PGS1: variants seen among roughly 807,000 people sequenced by gnomAD.
The protein encoded by PGS1 is phosphatidylglycerophosphate synthase 1.
PGS1 carries 44 observed loss-of-function variants against 58.3 expected under a neutral mutation model. The observed-to-expected ratio is 0.75, with a 90% CI of 0.59 to 0.97. The LOEUF (loss-of-function observed/expected upper bound fraction) is 0.97. Among genes scored for constraint, PGS1 ranks in the 50% least tolerant of loss-of-function variants. PGS1 has a pLI of 0.00. For synonymous variants in PGS1, 330 were observed against 311.0 expected, an observed-to-expected ratio of 1.06 and a Z score of -0.64; for missense variants, 684 against 731.1, an observed-to-expected ratio of 0.94 and a Z score of 0.74.
chr17:78,406,531 AGGT>A (rs2084160759), intron 7 of PGS1, among the ~76,000 whole-genome samples: 1 of 152,240 alleles, frequency 6.6e-6, no homozygotes, highest in Non-Finnish European at 1.5e-5. Flanking sequence ...CTGTCTAGGC[AGGT>A]GGCATTGTTT....
chr17:78,423,681 A>C (rs761221802), intron 9 of PGS1: 9 of 557,220 alleles, frequency 1.6e-5, no homozygotes, highest in Non-Finnish European at 2.8e-5. Flanking sequence ...TCAGGCACAG[A>C]ATGGATGGGC....
At chr17:78,391,967 T>A (rs1374030284) in intron 1 of PGS1, among the ~76,000 whole-genome samples, 1 of 152,202 alleles carries the variant, frequency 6.6e-6, no homozygotes, top group African/African-American at 2.4e-5. Context: ...TCTGGGTGCT[T>A]CCTTGAATAG....
At chr17:78,386,533 G>T (rs1193198102) in intron 1 of PGS1, among the ~76,000 whole-genome samples, 4 of 152,208 alleles carry the variant, frequency 2.6e-5, no homozygotes, top group African/African-American at 9.7e-5. Flanking sequence ...CCCAGGTCTT[G>T]ATGTGGAAAT....
At chr17:78,399,325 C>T in intron 4 of PGS1, 23 bp from the exon 5 acceptor site, 4 of 1,598,244 alleles carry the variant, frequency 2.5e-6, no homozygotes, top group Non-Finnish European at 3.4e-6. Flanking sequence ...GAGTCAGGTG[C>T]CGTTTTCTCT....
chr17:78,399,584 C>T, intron 5 of PGS1, 47 bp downstream of exon 5: 2 of 1,580,596 alleles, frequency 1.3e-6, no homozygotes, highest in South Asian at 1.1e-5. Flanking sequence ...GCTCTGCAGG[C>T]TGGAGGGCAG....
chr17:78,411,281 A>T (rs1394925984), intron 7 of PGS1, among the ~76,000 whole-genome samples: 17 of 152,188 alleles, frequency 1.1e-4, no homozygotes, highest in Admixed American at 1.1e-3. Context: ...AAGGGCCCAG[A>T]AGCCATGGCA....
At chr17:78,380,623 A>C (rs2081972224) in intron 1 of PGS1, among the ~76,000 whole-genome samples, 1 of 152,206 alleles carries the variant, frequency 6.6e-6, no homozygotes. Flanking sequence ...ACGTCCTGGC[A>C]TCAAACCACT....
intron 7 of PGS1, among the ~76,000 whole-genome samples, chr17:78,409,894 T>C (rs1044629369): frequency 6.6e-6 from 1 of 152,232 alleles, no homozygotes; most frequent in African/African-American, 2.4e-5. Context: ...GCGGATCACC[T>C]GAGGCCAGAA....
In PGS1 at chr17:78,399,379, A is replaced by T. The variant is rs374638849; in HGVS notation, c.543A>T (p.Pro181=). 24 of 1,613,670 alleles carry T rather than the reference A, an allele frequency of 1.5e-5. No individual in the cohort carries two copies. In the African/African-American group the frequency reaches 2.9e-4, roughly 20 times the overall value. The change falls in exon 5 of 10, where the codon CCA becomes CCT. Residue 181 remains proline (P), a synonymous_variant. Transcript: ENST00000262764. ...GRKNSRTMLL[P]LLRRFPEQVR... is the part of the protein sequence containing the mutation. ...AGAACTCCCGCACAATGCTGCTCCC[A>T]CTCCTGCGGAGGTTCCCAGAGCAGG...
chr17:78,422,157 GT>G (rs1447612004), intron 9 of PGS1, among the ~76,000 whole-genome samples: 2 of 152,152 alleles, frequency 1.3e-5, no homozygotes, highest in Admixed American at 1.3e-4. Flanking sequence ...GAGTTGCCCG[GT>G]GGCCCCTGGT....
chr17:78,388,192 A>G (rs1395428760), intron 1 of PGS1, among the ~76,000 whole-genome samples: 1 of 152,216 alleles, frequency 6.6e-6, no homozygotes, highest in Non-Finnish European at 1.5e-5. Flanking sequence ...GAACATTCCC[A>G]GTGAGAGCTG....
At chr17:78,420,161 ACCGTGGGCTGCTG>A in intron 9 of PGS1, 1 of 1,001,750 alleles carries the variant, frequency 1.0e-6, no homozygotes, top group Non-Finnish European at 1.2e-6. Context: ...GTAGAGCCAG[ACCGTGGGCTGCTG>A]CCTGGACGCC....
Position 78,400,356 on chromosome 17 carries a change from G to A in PGS1, c.702-321G>A, listed in dbSNP as rs1424875124. Among the ~76,000 whole-genome samples the A allele has an allele frequency of 6.6e-6, 1 of 151,642 alleles. No homozygotes were observed. Among genetic ancestry groups the A allele is most frequent in the Non-Finnish European group, 1.5e-5 (1 of 67,928 alleles). On this transcript the variant is annotated intron_variant, in intron 5 of 9. Transcript: ENST00000262764. The surrounding 1 kb of genome is among the most constrained non-coding windows in gnomAD (Gnocchi z 4.4). ...GCCAAGATCATGCCACTGCACTCCA[G>A]CCTGGGCGACAGAATGAGATTGTCT...
chr17:78,384,586 G>T (rs1054151872), intron 1 of PGS1, among the ~76,000 whole-genome samples: 5 of 152,142 alleles, frequency 3.3e-5, no homozygotes, highest in Non-Finnish European at 7.3e-5. Context: ...TCTGTACCGT[G>T]AATGTACCTT....
In PGS1 at chr17:78,399,500, A is replaced by G; in HGVS notation, c.664A>G (p.Lys222Glu). 1.9e-6 allele frequency: 3 copies of G among 1,614,132 alleles called. No homozygotes were observed. Among genetic ancestry groups the G allele is most frequent in the Non-Finnish European group, 2.5e-6 (3 of 1,180,034 alleles). Residue 222 changes from lysine (K) to glutamate (E), a missense_variant, in exon 5 of 10, where the codon AAG becomes GAG. Lys to Glu is a moderately conservative substitution (Grantham distance 56). Coordinates refer to ENST00000262764, the MANE Select transcript of PGS1 (RefSeq NM_024419.5). The part of the protein sequence containing the change: ...FNETIGLQHI[K>E]VYLFDNSVIL... The stretch of plus-strand genomic sequence containing the variant: ...CGAGACCATCGGCCTCCAGCACATT[A>G]AGGTGTACCTCTTCGACAACAGCGT...
At chr17:78,419,788 A>C (rs547058937) in intron 9 of PGS1, 113 bp downstream of exon 9, 2 of 1,538,194 alleles carry the variant, frequency 1.3e-6, no homozygotes, top group East Asian at 4.7e-5. Flanking sequence ...TCCCTTTCTC[A>C]GTTAAACACA....
intron 6 of PGS1, among the ~76,000 whole-genome samples, chr17:78,401,421 A>C (rs1335037282): frequency 6.6e-6 from 1 of 152,174 alleles, no homozygotes; most frequent in East Asian, 1.9e-4. Flanking sequence ...AATGAAGTGG[A>C]AGAGCTCTCA....
At chr17:78,379,374 T>C (rs1275785860) in intron 1 of PGS1, among the ~76,000 whole-genome samples, 3 of 152,302 alleles carry the variant, frequency 2.0e-5, no homozygotes, top group East Asian at 1.9e-4. Flanking sequence ...CGAAACACTT[T>C]TTACACATTT....
Position 78,404,028 on chromosome 17 carries a change from A to T in PGS1, c.1341A>T (p.Gly447=). 1 of 1,611,866 alleles carries T rather than the reference A, an allele frequency of 6.2e-7. No individual in the cohort carries two copies. Among genetic ancestry groups the T allele is most frequent in the Non-Finnish European group, 8.5e-7 (1 of 1,178,700 alleles). ...TCTTCAGTGAGGTGTGCAGCCTGGG[A>T]CAGCAGGAGCGGGTCCAGCTTCAGG... is the stretch of plus-strand genomic sequence containing the variant. ...RQFFSEVCSL[G]QQERVQLQEY... The change falls in exon 7 of 10, where the codon GGA becomes GGT. Residue 447 remains glycine, a synonymous_variant. Transcript: ENST00000262764.
Sources: gnomAD v4.1 joint callset for allele counts (sites outside exome capture counted in the v4.1 genomes callset) on GRCh38, gnomAD v4.1.1 for gene constraint, Gnocchi (gnomAD v3.1) non-coding constraint, MANE v1.5 for transcripts, NCBI Gene and HGNC (gene_info 2026-07-23, HGNC 2026-07-21) for gene names.